TMEM117: variants seen among roughly 807,000 people sequenced by gnomAD.
TMEM117 encodes the protein transmembrane protein 117.
Under a neutral mutation model 52.4 loss-of-function variants are expected in TMEM117, and 27 were observed. The ratio of observed to expected loss-of-function variants is 0.51; its 90% CI spans 0.38 to 0.71. TMEM117 has a LOEUF of 0.71. Among genes scored for constraint, TMEM117 ranks in the 30% least tolerant of loss-of-function variants. The pLI is 0.00. For missense variants in TMEM117, 556 were observed against 630.5 expected (o/e 0.88, Z 1.26); for synonymous variants, 215 against 206.3 (o/e 1.04, Z -0.36).
chr12:44,020,132 TG>T (rs1828699180), intron 3 of TMEM117, among the ~76,000 whole-genome samples: 1 of 152,226 alleles, frequency 6.6e-6, no homozygotes, highest in African/African-American at 2.4e-5. Flanking sequence ...CCAGGTTTTT[TG>T]GTCAAATTCA....
chr12:44,234,849 A>G (rs571021913), intron 5 of TMEM117, among the ~76,000 whole-genome samples: 1 of 151,622 alleles, frequency 6.6e-6, no homozygotes, highest in South Asian at 2.1e-4. Flanking sequence ...GTCAAGACAT[A>G]CTTTATATCT....
intron 5 of TMEM117, among the ~76,000 whole-genome samples, chr12:44,277,184 C>T (rs979601037): frequency 1.3e-5 from 2 of 152,036 alleles, no homozygotes; most frequent in African/African-American, 4.8e-5. Context: ...TGATCATTTT[C>T]CTGTGAATAC....
At position 44,147,736 on chromosome 12, in the gene TMEM117, A is replaced by G. The variant is rs571290727; in HGVS notation, c.510+4112A>G. Among the ~76,000 whole-genome samples the G allele has an allele frequency of 3.9e-5, 6 of 152,164 alleles. No individual in the cohort carries two copies. The East Asian group carries it at 1.2e-3, about 30-fold the overall frequency. On this transcript the variant is annotated intron_variant, in intron 4 of 7. Transcript: ENST00000266534. Reference sequence around the variant, plus strand: ...GATCACTTGAGGTCAGGAGCTCACCAGCCTGGCCAACATGGTGAAACCCCA... The same window carrying G: ...GATCACTTGAGGTCAGGAGCTCACCGGCCTGGCCAACATGGTGAAACCCCA...
intron 5 of TMEM117, among the ~76,000 whole-genome samples, chr12:44,247,923 C>T (rs1242099271): frequency 6.6e-6 from 1 of 152,144 alleles, no homozygotes; most frequent in Non-Finnish European, 1.5e-5. Flanking sequence ...ACCTCTTATG[C>T]CAGGCTTGTC....
chr12:44,161,252 A>G (rs1166060446), intron 4 of TMEM117, among the ~76,000 whole-genome samples: 1 of 152,216 alleles, frequency 6.6e-6, no homozygotes, highest in Non-Finnish European at 1.5e-5. Flanking sequence ...CTATCTTAAT[A>G]AACAAAATTA....
At chr12:44,092,721 A>G (rs1383017303) in intron 3 of TMEM117, among the ~76,000 whole-genome samples, 2 of 152,220 alleles carry the variant, frequency 1.3e-5, no homozygotes, top group African/African-American at 4.8e-5. Flanking sequence ...AAGCATCAGC[A>G]GTCTCCATGT....
At chr12:44,305,236 T>C (rs1950889698) in intron 6 of TMEM117, among the ~76,000 whole-genome samples, 1 of 132,388 alleles carries the variant, frequency 7.6e-6, no homozygotes, top group African/African-American at 2.9e-5. Flanking sequence ...CTTCTTGACA[T>C]TGGCTTTGGC....
chr12:44,231,786 A>C (rs1949936376), intron 5 of TMEM117, among the ~76,000 whole-genome samples: 1 of 151,784 alleles, frequency 6.6e-6, no homozygotes, highest in South Asian at 2.1e-4. Flanking sequence ...CCATTGGTTT[A>C]TATGTATTTT....
intron 2 of TMEM117, among the ~76,000 whole-genome samples, chr12:43,925,122 C>T (rs1371252332): frequency 6.6e-6 from 1 of 152,000 alleles, no homozygotes; most frequent in African/African-American, 2.4e-5. Context: ...GAGAGAGGGA[C>T]CACGGTGGAA....
chr12:43,973,325 A>G (rs908910604), intron 3 of TMEM117, among the ~76,000 whole-genome samples: 2 of 152,176 alleles, frequency 1.3e-5, no homozygotes, highest in African/African-American at 4.8e-5. Flanking sequence ...AAGGAGAAAA[A>G]AATTTCCAGA....
intron 2 of TMEM117, among the ~76,000 whole-genome samples, chr12:43,907,056 C>G (rs1008528197): frequency 3.3e-5 from 5 of 152,286 alleles, no homozygotes; most frequent in African/African-American, 1.2e-4. Flanking sequence ...CACAGACAAA[C>G]AAAAAGACAG....
chr12:43,850,338 AACC>A (rs1483326865), intron 2 of TMEM117, among the ~76,000 whole-genome samples: 1 of 152,196 alleles, frequency 6.6e-6, no homozygotes, highest in Non-Finnish European at 1.5e-5. Flanking sequence ...TGACCTGCAG[AACC>A]ACCAACAGAA....
intron 6 of TMEM117, among the ~76,000 whole-genome samples, chr12:44,372,746 GT>G (rs1357895692): frequency 2.0e-5 from 3 of 152,168 alleles, no homozygotes; most frequent in Non-Finnish European, 4.4e-5. Context: ...AGGAAATGAT[GT>G]CACTTTCCAT....
intron 2 of TMEM117, among the ~76,000 whole-genome samples, chr12:43,861,748 C>CT (rs1162132175): frequency 6.6e-6 from 1 of 152,062 alleles, no homozygotes; most frequent in Non-Finnish European, 1.5e-5. Flanking sequence ...TCTAGTGTGC[C>CT]TTTTATGTGG....
chr12:44,325,764 G>A (rs1951186707), intron 6 of TMEM117, among the ~76,000 whole-genome samples: 1 of 152,160 alleles, frequency 6.6e-6, no homozygotes, highest in African/African-American at 2.4e-5. Context: ...GTTTATGTCT[G>A]TATGTGGTGT....
At chr12:44,251,170 A>G (rs146084833) in intron 5 of TMEM117, among the ~76,000 whole-genome samples, 13 of 152,272 alleles carry the variant, frequency 8.5e-5, no homozygotes, top group African/African-American at 2.4e-4. Context: ...GATGCACTAC[A>G]AAGCCCAGGG....
At chr12:43,957,118 A>C (rs556513629) in intron 3 of TMEM117, among the ~76,000 whole-genome samples, 1 of 152,290 alleles carries the variant, frequency 6.6e-6, no homozygotes, top group South Asian at 2.1e-4. Context: ...ACACATGGAC[A>C]CAGGGAGGGG....
intron 4 of TMEM117, among the ~76,000 whole-genome samples, chr12:44,186,361 G>A (rs990635541): frequency 6.6e-6 from 1 of 152,148 alleles, no homozygotes; most frequent in Non-Finnish European, 1.5e-5. Flanking sequence ...AGCAAGACTG[G>A]TCTAGGGAGG....
At chr12:43,999,884 A>G (rs1038391370) in intron 3 of TMEM117, among the ~76,000 whole-genome samples, 6 of 152,086 alleles carry the variant, frequency 3.9e-5, no homozygotes, top group Non-Finnish European at 5.9e-5. Flanking sequence ...TTAAATCTCT[A>G]TTTCTTATTT....
Sources: allele counts gnomAD v4.1 joint callset (sites outside exome capture counted in the v4.1 genomes callset), GRCh38; gene constraint gnomAD v4.1.1; transcripts MANE v1.5; gene names NCBI Gene and HGNC (gene_info 2026-07-23, HGNC 2026-07-21).